The following SLC15A1 variants were observed in gnomAD, a reference collection of about 807,000 sequenced individuals.
The protein encoded by SLC15A1 is Caco-2 oligopeptide transporter.
In SLC15A1, 83 loss-of-function variants were observed where a neutral mutation model predicts 92.9. The ratio of observed to expected loss-of-function variants is 0.89; its 90% CI spans 0.75 to 1.07. The LOEUF (loss-of-function observed/expected upper bound fraction) is 1.07, where lower values mean the gene tolerates loss of function less well. SLC15A1 is among the 50% of genes least tolerant of loss of function. SLC15A1 has a pLI of 0.00. For missense variants in SLC15A1, 857 were observed against 880.1 expected, an observed-to-expected ratio of 0.97 and a Z score of 0.33; for synonymous variants, 322 against 318.2, an observed-to-expected ratio of 1.01 and a Z score of -0.13.
chr13:98,729,822 G>A (rs538594182), intron 1 of SLC15A1, among the ~76,000 whole-genome samples: 2 of 152,300 alleles, frequency 1.3e-5, no homozygotes, highest in South Asian at 4.1e-4. Flanking sequence ...CTGGGCAGGC[G>A]CCTTCCCTCC....
chr13:98,744,770 AAAG>A (rs2088479732), intron 1 of SLC15A1, among the ~76,000 whole-genome samples: 2 of 150,340 alleles, frequency 1.3e-5, no homozygotes, highest in African/African-American at 2.4e-5. Flanking sequence ...AAAAAAAAAA[AAAG>A]GCAAAAACCG....
chr13:98,745,694 C>T (rs1247525654), intron 1 of SLC15A1, among the ~76,000 whole-genome samples: 1 of 152,150 alleles, frequency 6.6e-6, no homozygotes, highest in Non-Finnish European at 1.5e-5. Flanking sequence ...GGGAGTGTGG[C>T]CCTGCTGACC....
chr13:98,684,826 T>C lies in SLC15A1; in HGVS notation c.2025A>G (p.Pro675=), dbSNP rs369827754. 5 of 1,614,036 alleles carry C rather than the reference T, an allele frequency of 3.1e-6. No homozygotes were observed. In the African/African-American group the frequency reaches 6.7e-5, roughly 22 times the overall value. Reference sequence around the variant, plus strand: ...CATCAAATTGAGCTTCGATCTCCGCTGGGTTGATGTAAGTATAGAACCGAG... The same window carrying C: ...CATCAAATTGAGCTTCGATCTCCGCCGGGTTGATGTAAGTATAGAACCGAG... ...IMARFYTYIN[P]AEIEAQFDED... Residue 675 remains proline, a synonymous_variant, in exon 23 of 23, where the codon CCA becomes CCG. Transcript: ENST00000376503.
Position 98,684,848 on chromosome 13 carries a change from C to T in SLC15A1, c.2003G>A (p.Arg668Gln), listed in dbSNP as rs770769408. Residue 668 changes from arginine (R) to glutamine (Q), a missense_variant, in exon 23 of 23, where the codon CGG becomes CAG. Coordinates refer to ENST00000376503, the MANE Select transcript of SLC15A1 (RefSeq NM_005073.4). ...CGCTGGGTTGATGTAAGTATAGAACCGAGCCATGATGGCAAAAATTACACA... is the reference window on the plus strand; with the variant it reads ...CGCTGGGTTGATGTAAGTATAGAACTGAGCCATGATGGCAAAAATTACACA... ...VVCVIFAIMARFYTYINPAEI... is the reference protein window; with the variant it reads ...VVCVIFAIMAQFYTYINPAEI... 1.1e-5 allele frequency: 18 copies of T among 1,613,836 alleles called. No individual in the cohort carries two copies. Among genetic ancestry groups the T allele is most frequent in the Admixed American group, 8.3e-5 (5 of 59,978 alleles).
intron 7 of SLC15A1, among the ~76,000 whole-genome samples, chr13:98,719,567 C>A (rs73567988): frequency 2.6e-5 from 4 of 152,268 alleles, no homozygotes; most frequent in Middle Eastern, 3.4e-3. Flanking sequence ...CCAAAATCAG[C>A]GGCCCCCTCT....
chr13:98,739,942 G>T (rs1194805938), intron 1 of SLC15A1, among the ~76,000 whole-genome samples: 2 of 152,144 alleles, frequency 1.3e-5, no homozygotes, highest in Non-Finnish European at 2.9e-5. Flanking sequence ...TTACCATGGG[G>T]GACCCCTGGC....
At chr13:98,725,782 T>C (rs144130219) in intron 4 of SLC15A1, among the ~76,000 whole-genome samples, 2,663 of 152,260 alleles carry the variant, frequency 0.017, 68 homozygotes, top group East Asian at 0.09. Context: ...TGGGGTGCAG[T>C]GATGTGATCA....
chr13:98,714,542 C>T (rs1013916332), intron 9 of SLC15A1, among the ~76,000 whole-genome samples: 5 of 149,824 alleles, frequency 3.3e-5, no homozygotes, highest in African/African-American at 1.2e-4. Context: ...ATAGTCCCAG[C>T]TACTTGGTAG....
chr13:98,752,471 GC>G (rs997771966), intron 1 of SLC15A1, 123 bp downstream of exon 1: 1 of 918,178 alleles, frequency 1.1e-6, no homozygotes, highest in Non-Finnish European at 1.4e-6. Context: ...GCCCCCGTGG[GC>G]CTTCGGGTCG....
At chr13:98,731,978 T>C (rs2088354051) in intron 1 of SLC15A1, among the ~76,000 whole-genome samples, 1 of 152,198 alleles carries the variant, frequency 6.6e-6, no homozygotes, top group South Asian at 2.1e-4. Context: ...AGGGCAGAGG[T>C]TGCTAAACTC....
chr13:98,709,599 A>T lies in SLC15A1; in HGVS notation c.1040T>A (p.Leu347His). 1.2e-6 allele frequency: 2 copies of T among 1,614,178 alleles called. No individual in the cohort carries two copies. Among genetic ancestry groups the T allele is most frequent in the Non-Finnish European group, 8.5e-7 (1 of 1,180,032 alleles). ...VPIFDAVLYP[L>H]IAKCGFNFTS... ...GAAATTGAAGCCACATTTTGCAATG[A>T]GAGGGTACAGCACAGCATCGAAGAT... Residue 347 changes from leucine (L) to histidine (H), a missense_variant, in exon 14 of 23, where the codon CTC becomes CAC. Physicochemically the swap from Leu to His is moderately conservative, Grantham distance 99. Transcript: ENST00000376503.
intron 18 of SLC15A1, among the ~76,000 whole-genome samples, chr13:98,699,282 C>G (rs2088048467): frequency 6.6e-6 from 1 of 152,196 alleles, no homozygotes; most frequent in African/African-American, 2.4e-5. Context: ...CAGAAGGAAC[C>G]AGTGAGCTGT....
chr13:98,713,273 A>T (rs749293286), intron 9 of SLC15A1, among the ~76,000 whole-genome samples: 14 of 151,914 alleles, frequency 9.2e-5, no homozygotes, highest in South Asian at 4.2e-4. Flanking sequence ...TTTTGTCCAG[A>T]CTGGTCTCAA....
rs72650308 is a variant in SLC15A1 at position 98,719,663 on chromosome 13, A to G, written c.557-343T>C. On this transcript the variant is annotated intron_variant, in intron 7 of 22. Transcript: ENST00000376503. ...ATATGGGACTCAGTAAATCAAAAGT[A>G]CACTGGAAAATCAATACTATCTGTT... Among the ~76,000 whole-genome samples, 669 of 152,364 alleles carry G rather than the reference A, an allele frequency of 4.4e-3. 3 individuals are homozygous for G. Among genetic ancestry groups the G allele is most frequent in the Non-Finnish European group, 7.0e-3 (475 of 68,042 alleles).
intron 1 of SLC15A1, among the ~76,000 whole-genome samples, chr13:98,743,929 A>G (rs1245219094): frequency 6.6e-6 from 1 of 152,176 alleles, no homozygotes; most frequent in Non-Finnish European, 1.5e-5. Context: ...CCGGGACAGC[A>G]TCAGCTCCCC....
chr13:98,748,874 A>G (rs1190478122), intron 1 of SLC15A1, among the ~76,000 whole-genome samples: 1 of 152,206 alleles, frequency 6.6e-6, no homozygotes, highest in Non-Finnish European at 1.5e-5. Flanking sequence ...ATGTCAGTGC[A>G]TGAGCTCTAC....
chr13:98,750,183 G>T (rs1290641087), intron 1 of SLC15A1, among the ~76,000 whole-genome samples: 1 of 151,966 alleles, frequency 6.6e-6, no homozygotes, highest in Non-Finnish European at 1.5e-5. Context: ...CACGATCTTG[G>T]CTCACTGCAA....
chr13:98,707,896 A>T (rs1475145589), intron 15 of SLC15A1, among the ~76,000 whole-genome samples: 812 of 53,376 alleles, frequency 0.015, 8 homozygotes, highest in Middle Eastern at 0.04. Flanking sequence ...CTGTTTAAAA[A>T]AAAAAAAAAA....
At position 98,709,871 on chromosome 13, in the gene SLC15A1, T is replaced by G. The variant is rs2088147391; in HGVS notation, c.941A>C (p.Lys314Thr). The change falls in exon 12 of 23, where the codon AAA becomes ACA. Residue 314 changes from lysine (K) to threonine (T), a missense_variant. Transcript: ENST00000376503. ...WTLQATTMSG[K>T]IGALEIQPDQ... ...AAACAAAGGAGTCAAACTTACGATTTTCCCGGACATAGTTGTTGCCTGCAG... is the reference window on the plus strand; with the variant it reads ...AAACAAAGGAGTCAAACTTACGATTGTCCCGGACATAGTTGTTGCCTGCAG... 3.7e-6 allele frequency: 6 copies of G among 1,614,198 alleles called. No individual in the cohort carries two copies. In the East Asian group the frequency reaches 1.3e-4, roughly 36 times the overall value.
Sources: gnomAD v4.1 joint callset for allele counts (sites outside exome capture counted in the v4.1 genomes callset) on GRCh38, gnomAD v4.1.1 for gene constraint, MANE v1.5 for transcripts, NCBI Gene and HGNC (gene_info 2026-07-23, HGNC 2026-07-21) for gene names.